The following ZBTB10 variants were observed in gnomAD, a reference collection of about 807,000 sequenced individuals.
ZBTB10 encodes the protein zinc finger and BTB domain-containing protein 10.
In ZBTB10, 32 loss-of-function variants were observed where a neutral mutation model predicts 76.4. The observed-to-expected ratio is 0.42, with a 90% CI of 0.32 to 0.56. The LOEUF (loss-of-function observed/expected upper bound fraction) is 0.56, where lower values mean the gene tolerates loss of function less well. ZBTB10 is among the 20% of genes least tolerant of loss of function. ZBTB10 has a pLI of 0.14. For missense variants in ZBTB10, 1,057 were observed against 1,098.5 expected, an observed-to-expected ratio of 0.96 and a Z score of 0.53; for synonymous variants, 523 against 432.9, an observed-to-expected ratio of 1.21 and a Z score of -2.58.
intron 1 of ZBTB10, among the ~76,000 whole-genome samples, chr8:80,495,413 TG>T (rs1197450120): frequency 1.3e-5 from 2 of 151,550 alleles, no homozygotes; most frequent in African/African-American, 2.4e-5. Flanking sequence ...TTTGTTTTGT[TG>T]TTTTTTTTTT....
intron 2 of ZBTB10, among the ~76,000 whole-genome samples, chr8:80,511,083 CAA>C (rs1488509250): frequency 3.9e-5 from 6 of 152,110 alleles, no homozygotes; most frequent in African/African-American, 1.4e-4. Flanking sequence ...ACACTATTGT[CAA>C]AAGATTGTCA....
At chr8:80,511,648 ATTTTTT>A (rs1215948058) in intron 2 of ZBTB10, among the ~76,000 whole-genome samples, 1 of 152,122 alleles carries the variant, frequency 6.6e-6, no homozygotes, top group Non-Finnish European at 1.5e-5. Flanking sequence ...GGCCAATTTT[ATTTTTT>A]GATTATTGAA....
chr8:80,526,130 T>A lies in ZBTB10; in HGVS notation c.*6602T>A, dbSNP rs951486666. Reference sequence around the variant, plus strand: ...GCCATTTGCTGCAAAGTATTTGTTTTAAAATGTCTGGCATATACACCACTA... The same window carrying A: ...GCCATTTGCTGCAAAGTATTTGTTTAAAAATGTCTGGCATATACACCACTA... On this transcript the variant is annotated 3_prime_UTR_variant, in exon 6 of 6. Transcript: ENST00000455036. 6.6e-6 allele frequency: 1 copy of A among 152,186 alleles called. No individual in the cohort carries two copies. The highest frequency in any genetic ancestry group is 1.5e-5 in the Non-Finnish European group (1 of 68,028). The allele number at this position is 152,186 out of a possible 1,614,324, so 9.4% of individuals were successfully genotyped here.
In ZBTB10 at chr8:80,487,016, T is replaced by C; in HGVS notation, c.206T>C (p.Leu69Ser). The change falls in exon 1 of 6, where the codon TTG becomes TCG. Residue 69 changes from leucine (L) to serine (S), a missense_variant. Around this residue, in one of 5 missense-constraint regions of ZBTB10, gnomAD observed 556 missense variants for 451.7 expected, o/e 1.23. Coordinates refer to ENST00000455036, the MANE Select transcript of ZBTB10 (RefSeq NM_001105539.3). ...CGGGGGGCCGACGAGGAAGTGGAAT[T>C]GGAGGGCCTGGAGCCCCAAGACCTG... ...NGRGADEEVE[L>S]EGLEPQDLEA... 1.3e-6 allele frequency: 2 copies of C among 1,513,988 alleles called. No homozygotes were observed. Among genetic ancestry groups the C allele is most frequent in the Non-Finnish European group, 1.8e-6 (2 of 1,137,216 alleles). 93.8% of individuals were successfully genotyped at this position (1,513,988 alleles called of 1,614,324 possible). A position where few individuals can be genotyped will look rare whatever the true frequency, so the allele number is the denominator to read the frequency against.
chr8:80,502,581 C>A (rs922663360), intron 2 of ZBTB10, among the ~76,000 whole-genome samples: 10 of 152,202 alleles, frequency 6.6e-5, no homozygotes, highest in Admixed American at 2.6e-4. Flanking sequence ...AGTTTGGTAT[C>A]CGAACCTTGC....
chr8:80,486,778 G>C lies in ZBTB10; in HGVS notation c.-33G>C. The C allele has an allele frequency of 1.5e-6, 2 of 1,369,268 alleles. No individual in the cohort carries two copies. Among genetic ancestry groups the C allele is most frequent in the Non-Finnish European group, 1.9e-6 (2 of 1,066,480 alleles). The allele number at this position is 1,369,268 out of a possible 1,614,324, so 84.8% of individuals were successfully genotyped here. Reference sequence around the variant, plus strand: ...GCGGCCCGAGGCCGTGCGCGAGCCGGGGCACCGGGCGGCGGCGGCGGCGGC... The same window carrying C: ...GCGGCCCGAGGCCGTGCGCGAGCCGCGGCACCGGGCGGCGGCGGCGGCGGC... On this transcript the variant is annotated 5_prime_UTR_variant, in exon 1 of 6. Transcript: ENST00000455036.
intron 3 of ZBTB10, among the ~76,000 whole-genome samples, chr8:80,516,291 G>A (rs962074665): frequency 6.6e-6 from 1 of 152,120 alleles, no homozygotes; most frequent in African/African-American, 2.4e-5. Context: ...GTGTCTTTTG[G>A]TACTAGTTTT....
At chr8:80,496,916 C>T (rs1815797609) in intron 1 of ZBTB10, among the ~76,000 whole-genome samples, 1 of 152,174 alleles carries the variant, frequency 6.6e-6, no homozygotes, top group Non-Finnish European at 1.5e-5. Context: ...GTAGATTGAA[C>T]ACTGAACCAA....
In ZBTB10 at chr8:80,522,497, A is replaced by AT. The variant is rs1186906725; in HGVS notation, c.*2974dup. 6.6e-6 allele frequency: 1 copy of AT among 151,828 alleles called. No individual in the cohort carries two copies. Among genetic ancestry groups the AT allele is most frequent in the African/African-American group, 2.4e-5 (1 of 41,396 alleles). The allele number at this position is 151,828 out of a possible 1,614,324, so 9.4% of individuals were successfully genotyped here. A position where few individuals can be genotyped will look rare whatever the true frequency, so the allele number is the denominator to read the frequency against. On this transcript the variant is annotated 3_prime_UTR_variant, in exon 6 of 6. Transcript: ENST00000455036. ...GATACTTCCATATGGACCCCTGTTC[A>AT]TTTTTCTTATTTACTAGATATTTTG...
At chr8:80,494,789 T>C (rs920923830) in intron 1 of ZBTB10, among the ~76,000 whole-genome samples, 14 of 151,832 alleles carry the variant, frequency 9.2e-5, no homozygotes, top group African/African-American at 3.1e-4. Context: ...CTGGGCGTGG[T>C]GGCACACATC....
In ZBTB10 at chr8:80,523,617, G is replaced by T. The variant is rs1293703007; in HGVS notation, c.*4089G>T. On this transcript the variant is annotated 3_prime_UTR_variant, in exon 6 of 6. Coordinates refer to ENST00000455036, the MANE Select transcript of ZBTB10 (RefSeq NM_001105539.3). ...GTCACTTTAGGACTTAAAATGGAAA[G>T]TTTTTTTTTTTTTCCTGCTGTATCT... The T allele has an allele frequency of 6.8e-6, 1 of 147,166 alleles. No individual in the cohort carries two copies. The highest frequency in any genetic ancestry group is 1.5e-5 in the Non-Finnish European group (1 of 66,236). 9.1% of individuals were successfully genotyped at this position (147,166 alleles called of 1,614,324 possible).
upstream of ZBTB10, chr8:80,485,923 T>G (rs947230122): frequency 2.6e-6 from 4 of 1,522,668 alleles, no homozygotes; most frequent in Non-Finnish European, 3.5e-6. Context: ...ACCCTGACAC[T>G]CGCCAGCTGT....
At chr8:80,497,569 G>A (rs1389090518) in intron 1 of ZBTB10, among the ~76,000 whole-genome samples, 1 of 151,694 alleles carries the variant, frequency 6.6e-6, no homozygotes, top group Non-Finnish European at 1.5e-5. Flanking sequence ...TCAAAAATGA[G>A]GAAATTTCTC....
chr8:80,518,034 A>T (rs957333517), intron 3 of ZBTB10, among the ~76,000 whole-genome samples: 2 of 151,256 alleles, frequency 1.3e-5, no homozygotes, highest in Admixed American at 1.3e-4. Context: ...AATTTTTAAA[A>T]TTTTTTTGTA....
chr8:80,499,379 C>T (rs1431486683), intron 1 of ZBTB10, 115 bp from the exon 2 acceptor site: 1 of 1,174,058 alleles, frequency 8.5e-7, no homozygotes, highest in East Asian at 2.6e-5. Context: ...TGATTACTCA[C>T]AAATTAATAT....
chr8:80,518,871 A>G lies in ZBTB10; in HGVS notation c.2227A>G (p.Ile743Val). 6.2e-7 allele frequency: 1 copy of G among 1,612,104 alleles called. No homozygotes were observed. The highest frequency in any genetic ancestry group is 8.5e-7 in the Non-Finnish European group (1 of 1,179,002). ...YRRTLKRHLL[I>V]HTGVRSFSCD... ...ACGAACACTAAAAAGGCACTTGCTC[A>G]TTCACACAGGAGTGAGATCATTTAG... Residue 743 changes from isoleucine (I) to valine (V), a missense_variant, in exon 5 of 6, where the codon ATT becomes GTT. Physicochemically the swap from Ile to Val is conservative, Grantham distance 29 (BLOSUM62 3). This residue lies in a region of ZBTB10 where 54 missense variants were observed against 138.1 expected (regional missense o/e 0.39). Coordinates refer to ENST00000455036, the MANE Select transcript of ZBTB10 (RefSeq NM_001105539.3).
chr8:80,502,236 G>C (rs769006415), intron 2 of ZBTB10, among the ~76,000 whole-genome samples: 10 of 152,044 alleles, frequency 6.6e-5, no homozygotes, highest in South Asian at 4.1e-4. Context: ...TCTTACATCT[G>C]TTTTGTTTGT....
rs1204829406 is a variant in ZBTB10, at chr8:80,520,902, CAT to C, written c.*1375_*1376del. On this transcript the variant is annotated 3_prime_UTR_variant, in exon 6 of 6. Coordinates refer to ENST00000455036, the MANE Select transcript of ZBTB10 (RefSeq NM_001105539.3). ...TCAGCAGCATTTCACGTATTGTTAACATGTATGGCATTTATTAGCATATTGTA... is the reference window on the plus strand; with the variant it reads ...TCAGCAGCATTTCACGTATTGTTAACGTATGGCATTTATTAGCATATTGTA... 2 of 151,892 alleles carry C rather than the reference CAT, an allele frequency of 1.3e-5. No homozygotes were observed. The highest frequency in any genetic ancestry group is 4.8e-5 in the African/African-American group (2 of 41,398). The allele number at this position is 151,892 out of a possible 1,614,324, so 9.4% of individuals were successfully genotyped here.
intron 2 of ZBTB10, among the ~76,000 whole-genome samples, chr8:80,506,180 A>T (rs1310173689): frequency 6.6e-6 from 1 of 152,038 alleles, no homozygotes; most frequent in East Asian, 1.9e-4. Flanking sequence ...AAGAAGTAAA[A>T]TTTCTACCTT....
Sources: allele counts gnomAD v4.1 joint callset (sites outside exome capture counted in the v4.1 genomes callset), GRCh38; gene constraint gnomAD v4.1.1; regional missense constraint gnomAD v4.1.1; transcripts MANE v1.5; gene names NCBI Gene and HGNC (gene_info 2026-07-23, HGNC 2026-07-21).